The following RAB10 variants were observed in gnomAD, a reference collection of about 807,000 sequenced individuals.
RAB10 encodes the protein ras-related protein Rab-10.
RAB10 carries 5 observed loss-of-function variants against 25.7 expected under a neutral mutation model. The ratio of observed to expected loss-of-function variants is 0.19; its 90% CI spans 0.10 to 0.41. The LOEUF is 0.41. Ranked by LOEUF, RAB10 falls within the 10% of genes least tolerant of loss-of-function variation. The probability of loss-of-function intolerance (pLI) is 1.00; values close to 1 mark genes in which losing one functional copy is unlikely to be tolerated. For synonymous variants in RAB10, 89 were observed against 86.4 expected (o/e 1.03, Z -0.16); for missense variants, 103 against 245.8 (o/e 0.42, Z 3.89).
intron 1 of RAB10, among the ~76,000 whole-genome samples, chr2:26,064,333 GTTTGTT>G (rs1666469485): frequency 6.6e-6 from 1 of 152,026 alleles, no homozygotes. Context: ...TTTGTAGAGT[GTTTGTT>G]TTTGTATTTT....
intron 1 of RAB10, among the ~76,000 whole-genome samples, chr2:26,097,775 TAAAG>T (rs57047066): frequency 0.015 from 2,268 of 152,330 alleles, 53 homozygotes; most frequent in African/African-American, 0.052. Context: ...TCTGTCTACT[TAAAG>T]AAATCTGGTT....
chr2:26,123,724 T>C (rs1019067480), intron 3 of RAB10, among the ~76,000 whole-genome samples: 1 of 152,254 alleles, frequency 6.6e-6, no homozygotes, highest in Non-Finnish European at 1.5e-5. Context: ...GGGTTCTGAT[T>C]ATTCAAGACT....
intron 1 of RAB10, among the ~76,000 whole-genome samples, chr2:26,066,771 C>T (rs1406637852): frequency 7.6e-6 from 1 of 131,610 alleles, no homozygotes; most frequent in African/African-American, 3.0e-5. Context: ...CAAAACCATG[C>T]CATCAATTTT....
intron 3 of RAB10, among the ~76,000 whole-genome samples, chr2:26,126,532 G>A (rs1472468647): frequency 2.0e-5 from 3 of 152,188 alleles, no homozygotes; most frequent in Non-Finnish European, 4.4e-5. Context: ...GGCGAAAGTT[G>A]CAGGAAGCCC....
In RAB10 at chr2:26,127,712, A is replaced by C; in HGVS notation, c.418-138A>C. Reference sequence around the variant, plus strand: ...TTTGTTTGTTTTATGAAAGAGCTTGACTTGCTGAAATATTCTGTGTTATAT... The same window carrying C: ...TTTGTTTGTTTTATGAAAGAGCTTGCCTTGCTGAAATATTCTGTGTTATAT... On this transcript the variant is annotated intron_variant, in intron 4 of 5. Transcript: ENST00000264710. 3 of 608,196 alleles carry C rather than the reference A, an allele frequency of 4.9e-6. 1 individual carries two copies. In the South Asian group the frequency reaches 6.9e-5, roughly 14 times the overall value. 37.7% of individuals were successfully genotyped at this position (608,196 alleles called of 1,614,324 possible).
At chr2:26,072,678 A>G (rs1666653018) in intron 1 of RAB10, among the ~76,000 whole-genome samples, 1 of 152,200 alleles carries the variant, frequency 6.6e-6, no homozygotes, top group South Asian at 2.1e-4. Context: ...TTTTCTTCAT[A>G]TACTTCATAT....
Position 26,110,094 on chromosome 2 carries a change from T to A in RAB10, c.327+188T>A, listed in dbSNP as rs183701756. On this transcript the variant is annotated intron_variant, in intron 3 of 5. Transcript: ENST00000264710. ...GCTCATGCCTGTAATCCCAGCACTT[T>A]GGGAGGCTGAGGTGGGAGGATCACC... Among the ~76,000 whole-genome samples, 802 of 152,198 alleles carry A rather than the reference T, an allele frequency of 5.3e-3. 3 individuals carry two copies. Among genetic ancestry groups the A allele is most frequent in the Non-Finnish European group, 8.3e-3 (565 of 67,984 alleles).
intron 2 of RAB10, among the ~76,000 whole-genome samples, chr2:26,103,351 A>G (rs1437841536): frequency 1.3e-5 from 2 of 152,242 alleles, no homozygotes; most frequent in Non-Finnish European, 2.9e-5. Flanking sequence ...CAGATCTTGC[A>G]GAAGCTCTTA....
intron 1 of RAB10, among the ~76,000 whole-genome samples, chr2:26,060,284 T>G (rs769707572): frequency 5.3e-5 from 8 of 151,066 alleles, no homozygotes; most frequent in African/African-American, 9.7e-5. Context: ...TTTTTTGTTT[T>G]TTTGTTTGTT....
At chr2:26,095,336 G>T (rs570069745) in intron 1 of RAB10, among the ~76,000 whole-genome samples, 1 of 151,954 alleles carries the variant, frequency 6.6e-6, no homozygotes, top group Admixed American at 6.6e-5. Flanking sequence ...GGCCGGGCGC[G>T]GTGGCTCATG....
chr2:26,128,771 A>AT (rs1348371188), intron 5 of RAB10, among the ~76,000 whole-genome samples: 2 of 152,106 alleles, frequency 1.3e-5, no homozygotes, highest in African/African-American at 4.8e-5. Flanking sequence ...GATCTTGGGG[A>AT]ATTTATATTT....
intron 1 of RAB10, among the ~76,000 whole-genome samples, chr2:26,046,655 A>G (rs1666010257): frequency 1.3e-5 from 2 of 152,160 alleles, no homozygotes; most frequent in African/African-American, 4.8e-5. Context: ...AGGCTCAATC[A>G]GTACTCCTGC....
intron 2 of RAB10, among the ~76,000 whole-genome samples, chr2:26,102,416 AT>A (rs59552007): frequency 0.032 from 4,200 of 133,316 alleles, 217 homozygotes; most frequent in African/African-American, 0.11. Flanking sequence ...CTGGGCTGTG[AT>A]TTTTTTTTTT....
chr2:26,118,450 G>T (rs1667738485), intron 3 of RAB10, among the ~76,000 whole-genome samples: 1 of 151,592 alleles, frequency 6.6e-6, no homozygotes, highest in Non-Finnish European at 1.5e-5. Context: ...GGGGTGGGGT[G>T]GGGGTGGGGA....
chr2:26,071,832 A>G (rs1490615274), intron 1 of RAB10, among the ~76,000 whole-genome samples: 1 of 152,168 alleles, frequency 6.6e-6, no homozygotes, highest in Non-Finnish European at 1.5e-5. Context: ...ACACTACTGC[A>G]CTACAGCCTG....
intron 3 of RAB10, among the ~76,000 whole-genome samples, chr2:26,123,034 T>A (rs556987309): frequency 6.6e-6 from 1 of 152,302 alleles, no homozygotes; most frequent in East Asian, 1.9e-4. Context: ...TGACTGCCCT[T>A]ACGTATAAAG....
intron 1 of RAB10, among the ~76,000 whole-genome samples, chr2:26,051,592 A>G (rs1465021019): frequency 6.6e-6 from 1 of 151,444 alleles, no homozygotes; most frequent in East Asian, 1.9e-4. Flanking sequence ...TCCACTAAAA[A>G]TACAAAAAAA....
At chr2:26,080,627 C>T (rs1447133591) in intron 1 of RAB10, among the ~76,000 whole-genome samples, 1 of 152,084 alleles carries the variant, frequency 6.6e-6, no homozygotes, top group African/African-American at 2.4e-5. Flanking sequence ...TCCTGCTCAT[C>T]CTAAATAGTT....
Position 26,127,910 on chromosome 2 carries a change from G to A in RAB10, c.478G>A (p.Glu160Lys). 1 of 1,611,026 alleles carries A rather than the reference G, an allele frequency of 6.2e-7. No homozygotes were observed. The highest frequency in any genetic ancestry group is 8.5e-7 in the Non-Finnish European group (1 of 1,177,194). Reference protein sequence around the residue: ...ETSAKANINIEKAFLTLAEDI... With the variant: ...ETSAKANINIKKAFLTLAEDI... ...TAGTGCAAAAGCAAATATAAACATC[G>A]AAAAGGCGTTCCTCACGTTAGCTGA... is the stretch of plus-strand genomic sequence containing the variant. The change falls in exon 5 of 6, where the codon GAA becomes AAA. Residue 160 changes from glutamate (E) to lysine (K), a missense_variant. By Grantham distance (56) the Glu-to-Lys change is moderately conservative (BLOSUM62 1). Transcript: ENST00000264710.
Sources: gnomAD v4.1 joint callset for allele counts (sites outside exome capture counted in the v4.1 genomes callset) on GRCh38, gnomAD v4.1.1 for gene constraint, MANE v1.5 for transcripts, NCBI Gene and HGNC (gene_info 2026-07-23, HGNC 2026-07-21) for gene names.